DNAJC11: variants seen among roughly 807,000 people sequenced by gnomAD.
DNAJC11 encodes DnaJ heat shock protein family (Hsp40) member C11, also known as dnaJ homolog subfamily C member 11.
DNAJC11 carries 15 observed loss-of-function variants against 78.6 expected under a neutral mutation model. The observed-to-expected ratio is 0.19, with a 90% confidence interval of 0.13 to 0.29. The LOEUF is 0.29. DNAJC11 is among the 10% of genes least tolerant of loss of function. The pLI is 1.00. For synonymous variants in DNAJC11, 292 were observed against 272.1 expected, an observed-to-expected ratio of 1.07 and a Z score of -0.72; for missense variants, 547 against 709.6, an observed-to-expected ratio of 0.77 and a Z score of 2.60.
rs762698363 is a variant in DNAJC11 at position 6,667,850 on chromosome 1, AG to A, written c.277-41del. ...AAGATGGGAAGACAGTTGAGGACCCAGGAGGTAAGGGAAACGTACACAAAGA... is the reference window on the plus strand; with the variant it reads ...AAGATGGGAAGACAGTTGAGGACCCAGAGGTAAGGGAAACGTACACAAAGA... On this transcript the variant is annotated intron_variant, in intron 3 of 15. Transcript: ENST00000377577. 14 of 1,582,784 alleles carry A rather than the reference AG, an allele frequency of 8.8e-6. No individual in the cohort carries two copies. The East Asian group carries it at 2.9e-4, about 33-fold the overall frequency.
chr1:6,661,931 C>T (rs1304399276), intron 4 of DNAJC11, among the ~76,000 whole-genome samples: 1 of 152,068 alleles, frequency 6.6e-6, no homozygotes, highest in Non-Finnish European at 1.5e-5. Context: ...TGGTTACATG[C>T]CTTCCTTGAT....
chr1:6,667,819 A>G lies in DNAJC11; in HGVS notation c.277-9T>C. 1.2e-6 allele frequency: 2 copies of G among 1,612,804 alleles called. No homozygotes were observed. The highest frequency in any genetic ancestry group is 1.7e-6 in the Non-Finnish European group (2 of 1,179,300). On this transcript the variant is annotated splice_polypyrimidine_tract_variant and intron_variant, in intron 3 of 15. Transcript: ENST00000377577. ...CTCCTCCTTTCCACAACCTATGCAC[A>G]GAATCAAGATGGGAAGACAGTTGAG...
intron 11 of DNAJC11, among the ~76,000 whole-genome samples, chr1:6,638,955 C>T (rs1288865612): frequency 6.6e-6 from 1 of 152,236 alleles, no homozygotes; most frequent in Non-Finnish European, 1.5e-5. Flanking sequence ...ATGTCTTGTT[C>T]TAAGCCTCAA....
chr1:6,674,483 C>T (rs1045840115), intron 3 of DNAJC11, among the ~76,000 whole-genome samples: 1 of 152,036 alleles, frequency 6.6e-6, no homozygotes, highest in African/African-American at 2.4e-5. Flanking sequence ...ATCACTTGAA[C>T]CCCGGAAGCA....
At chr1:6,659,786 G>A (rs1356240030) in intron 4 of DNAJC11, among the ~76,000 whole-genome samples, 4 of 151,238 alleles carry the variant, frequency 2.6e-5, no homozygotes, top group African/African-American at 9.7e-5. Context: ...GGCCGGGCAC[G>A]GTGGCTCACG....
In DNAJC11 at chr1:6,645,164, C is replaced by T. The variant is rs755785224; in HGVS notation, c.895-38G>A. The T allele has an allele frequency of 2.0e-6, 3 of 1,532,116 alleles. No individual in the cohort carries two copies. Among genetic ancestry groups the T allele is most frequent in the East Asian group, 2.3e-5 (1 of 43,880 alleles). 94.9% of individuals were successfully genotyped at this position (1,532,116 alleles called of 1,614,324 possible). ...AGGGTGCAAGGATGCGTGGCTAGGG[C>T]GTGTGACTCTGTGGGGAGATGGGTA... On this transcript the variant is annotated intron_variant, in intron 8 of 15. Transcript: ENST00000377577. The surrounding 1 kb of genome is among the most constrained non-coding windows in gnomAD (Gnocchi z 4.1).
In DNAJC11 at chr1:6,692,783, G is replaced by A. The variant is rs557056520; in HGVS notation, c.72+8946C>T. Among the ~76,000 whole-genome samples, 15 of 151,476 alleles carry A rather than the reference G, an allele frequency of 9.9e-5. No individual in the cohort carries two copies. The East Asian group carries it at 1.7e-3, about 18-fold the overall frequency. ...TTGCCACCACGCCTGGCTAATTTTT[G>A]TATTTTTAGTAGAGATGGGGTTTCT... On this transcript the variant is annotated intron_variant, in intron 1 of 15. Coordinates refer to ENST00000377577, the MANE Select transcript of DNAJC11 (RefSeq NM_018198.4).
At chr1:6,686,540 C>T (rs954509056) in intron 1 of DNAJC11, among the ~76,000 whole-genome samples, 2 of 152,196 alleles carry the variant, frequency 1.3e-5, no homozygotes, top group African/African-American at 4.8e-5. Flanking sequence ...GAGGGGACAG[C>T]AGGCTCCCTG....
chr1:6,678,555 TCTC>T, intron 2 of DNAJC11, 88 bp from the exon 3 acceptor site: 1 of 998,426 alleles, frequency 1.0e-6, no homozygotes. Flanking sequence ...GGTAAGCCCA[TCTC>T]CTGTTCTCCC....
In DNAJC11 at chr1:6,653,794, C is replaced by T; in HGVS notation, c.507+117G>A. On this transcript the variant is annotated intron_variant, in intron 5 of 15. Transcript: ENST00000377577. This position sits in a 1 kb window ranked among gnomAD's most constrained non-coding sequence, Gnocchi z 4.5. ...TCTTTTTTAAGTGGCTAATTGCATC[C>T]TTTCATAAATAAAGATGAGAAAAAC... The T allele has an allele frequency of 7.4e-7, 1 of 1,353,794 alleles. No individual in the cohort carries two copies. Among genetic ancestry groups the T allele is most frequent in the Non-Finnish European group, 1.0e-6 (1 of 986,228 alleles). The allele number at this position is 1,353,794 out of a possible 1,614,324, so 83.9% of individuals were successfully genotyped here.
chr1:6,666,891 A>T (rs1642302210), intron 4 of DNAJC11, among the ~76,000 whole-genome samples: 1 of 152,186 alleles, frequency 6.6e-6, no homozygotes, highest in Admixed American at 6.5e-5. Flanking sequence ...TCCTGGCCAC[A>T]GTGATAGGGT....
chr1:6,666,698 G>A (rs553378145), intron 4 of DNAJC11, among the ~76,000 whole-genome samples: 41 of 152,124 alleles, frequency 2.7e-4, no homozygotes, highest in Middle Eastern at 3.4e-3. Flanking sequence ...CACCGCACCC[G>A]GCCTATTCTA....
At chr1:6,638,224 T>C (rs1238604138) in intron 12 of DNAJC11, 71 bp downstream of exon 12, 9 of 1,492,508 alleles carry the variant, frequency 6.0e-6, no homozygotes, top group Non-Finnish European at 8.2e-6. Context: ...TCTAAGGCCC[T>C]GAGACCAACA....
Position 6,634,849 on chromosome 1 carries a change from C to G in DNAJC11, c.*826G>C. 1 of 1,234,954 alleles carries G rather than the reference C, an allele frequency of 8.1e-7. No homozygotes were observed. The highest frequency in any genetic ancestry group is 1.4e-5 in the South Asian group (1 of 70,936). 76.5% of individuals were successfully genotyped at this position (1,234,954 alleles called of 1,614,324 possible). On this transcript the variant is annotated 3_prime_UTR_variant, in exon 16 of 16. Coordinates refer to ENST00000377577, the MANE Select transcript of DNAJC11 (RefSeq NM_018198.4). ...TGGGTTGGGTGTGTCTGATGTCTTG[C>G]CAAGCGCCTGGTCCTGTCCTCTTGA...
At chr1:6,667,594 C>T in intron 4 of DNAJC11, 115 bp downstream of exon 4, 2 of 851,654 alleles carry the variant, frequency 2.3e-6, no homozygotes, top group Non-Finnish European at 3.8e-6. Flanking sequence ...TTTTGTCCCA[C>T]CAGCTTGTAT....
chr1:6,646,026 A>C, intron 7 of DNAJC11, 48 bp from the exon 8 acceptor site: 2 of 1,582,394 alleles, frequency 1.3e-6, no homozygotes, highest in Non-Finnish European at 1.7e-6. Context: ...ACCTGCTCTC[A>C]GCTGTTCTGT....
chr1:6,651,288 C>T (rs1255203187), intron 7 of DNAJC11: 5 of 659,326 alleles, frequency 7.6e-6, no homozygotes, highest in African/African-American at 1.8e-5. Context: ...AAGGGAGGTG[C>T]GAGACCTGGA....
intron 4 of DNAJC11, among the ~76,000 whole-genome samples, chr1:6,663,961 TGGA>T (rs1642256891): frequency 6.6e-6 from 1 of 152,210 alleles, no homozygotes; most frequent in South Asian, 2.1e-4. Context: ...CGCAGGGCCC[TGGA>T]CACCAAGTCC....
chr1:6,678,563 TCTCC>T (rs1459480078), intron 2 of DNAJC11, 96 bp from the exon 3 acceptor site: 9 of 940,222 alleles, frequency 9.6e-6, no homozygotes, highest in Middle Eastern at 2.3e-4. Context: ...CATCTCCTGT[TCTCC>T]CTGTCTGATC....
Sources: allele counts gnomAD v4.1 joint callset (sites outside exome capture counted in the v4.1 genomes callset), GRCh38; gene constraint gnomAD v4.1.1; non-coding constraint Gnocchi (gnomAD v3.1); transcripts MANE v1.5; gene names NCBI Gene and HGNC (gene_info 2026-07-23, HGNC 2026-07-21).